Variants in KLHL4 observed in about 807,000 individuals in gnomAD.
KLHL4 encodes kelch-like protein 4.
KLHL4 carries 17 observed loss-of-function variants against 45.8 expected under a neutral mutation model. The observed-to-expected ratio is 0.37, with a 90% CI of 0.25 to 0.56. The LOEUF (loss-of-function observed/expected upper bound fraction) is 0.56. Among genes scored for constraint, KLHL4 ranks in the 20% least tolerant of loss-of-function variants. KLHL4 has a pLI of 0.79. For synonymous variants in KLHL4, 224 were observed against 189.9 expected (o/e 1.18, Z -1.47); for missense variants, 544 against 544.9 (o/e 1.00, Z 0.02).
chrX:87,652,565 C>T (rs1923854611), intron 9 of KLHL4, among the ~76,000 whole-genome samples: 1 of 112,093 alleles, frequency 8.9e-6, no homozygotes, highest in African/African-American at 3.2e-5. Context: ...TTTGCTAAAA[C>T]AAAACACGAG....
intron 1 of KLHL4, among the ~76,000 whole-genome samples, chrX:87,576,101 A>T (rs757757206): frequency 3.6e-5 from 4 of 111,614 alleles, no homozygotes; most frequent in Non-Finnish European, 7.5e-5. Flanking sequence ...AGATTTCTAC[A>T]ATACTATGAT....
At chrX:87,521,849 T>A (rs1373567622) in intron 1 of KLHL4, among the ~76,000 whole-genome samples, 1 of 112,391 alleles carries the variant, frequency 8.9e-6, no homozygotes, top group African/African-American at 3.2e-5. Context: ...TATAGTGATT[T>A]TAGGATCACA....
intron 9 of KLHL4, among the ~76,000 whole-genome samples, chrX:87,651,590 C>G (rs1207376742): frequency 8.9e-6 from 1 of 112,434 alleles, no homozygotes; most frequent in East Asian, 2.8e-4. Flanking sequence ...CAAAATCCAG[C>G]AGGGCAGTCA....
Position 87,518,123 on chromosome X carries a change from T to G in KLHL4, c.230T>G (p.Val77Gly). 8.3e-7 allele frequency: 1 copy of G among 1,211,782 alleles called. No homozygotes were observed. The change falls in exon 1 of 11, where the codon GTG becomes GGG. Residue 77 changes from valine (V) to glycine (G), a missense_variant. Val to Gly is a moderately radical substitution (Grantham distance 109, BLOSUM62 -3). Transcript: ENST00000373119. The part of the protein sequence containing the change: ...SPVHHNILAP[V>G]PGPAPAHQRA... ...GTCCACCACAATATACTGGCACCAG[T>G]GCCAGGACCGGCCCCTGCCCATCAG...
Position 87,632,203 on chromosome X carries a change from T to C in KLHL4, c.1325-7T>C. 1 of 1,092,464 alleles carries C rather than the reference T, an allele frequency of 9.2e-7. No homozygotes were observed. The highest frequency in any genetic ancestry group is 1.9e-5 in the South Asian group (1 of 52,358). The allele number at this position is 1,092,464 out of a possible 1,213,427, so 90.0% of individuals were successfully genotyped here. The stretch of plus-strand genomic sequence containing the variant: ...GATTTTACCGTTGTTCAATATCCCT[T>C]TGTCAGGTACTACTACTATTGAAAA... On this transcript the variant is annotated splice_polypyrimidine_tract_variant and splice_region_variant and intron_variant, in intron 6 of 10. Coordinates refer to ENST00000373119, the MANE Select transcript of KLHL4 (RefSeq NM_019117.5).
intron 1 of KLHL4, among the ~76,000 whole-genome samples, chrX:87,571,192 A>G (rs1042656657): frequency 9.0e-6 from 1 of 111,137 alleles, no homozygotes; most frequent in Admixed American, 9.6e-5. Context: ...GTGTATAAAT[A>G]AATTTTTAAT....
At chrX:87,651,699 C>T in intron 9 of KLHL4, among the ~76,000 whole-genome samples, 1 of 112,482 alleles carries the variant, frequency 8.9e-6, no homozygotes, top group Middle Eastern at 4.6e-3. Context: ...GCAGCTCTGG[C>T]CCTGTGGCTT....
chrX:87,552,890 T>A (rs1466800343), intron 1 of KLHL4, among the ~76,000 whole-genome samples: 1 of 110,192 alleles, frequency 9.1e-6, no homozygotes, highest in African/African-American at 3.3e-5. Context: ...TACTATCTGA[T>A]AGCATAATAG....
At chrX:87,581,798 C>A (rs1351072041) in intron 1 of KLHL4, among the ~76,000 whole-genome samples, 1 of 112,091 alleles carries the variant, frequency 8.9e-6, no homozygotes, top group Non-Finnish European at 1.9e-5. Flanking sequence ...CAGAGTGCCC[C>A]TTTTCCTCCA....
chrX:87,610,804 T>C (rs1337724046), intron 1 of KLHL4, among the ~76,000 whole-genome samples: 1 of 111,810 alleles, frequency 8.9e-6, no homozygotes, highest in South Asian at 3.7e-4. Flanking sequence ...CTGAGCGCAG[T>C]GGCTCACACC....
Position 87,559,024 on chromosome X carries a change from G to T in KLHL4, c.422+40709G>T, listed in dbSNP as rs778285854. On this transcript the variant is annotated intron_variant, in intron 1 of 10. Coordinates refer to ENST00000373119, the MANE Select transcript of KLHL4 (RefSeq NM_019117.5). The stretch of plus-strand genomic sequence containing the variant: ...ACAGTAGTAGGTAAACATCTCTAAA[G>T]GGACAAAGAGTATATATTTCAGGAT... Among the ~76,000 whole-genome samples, 3 of 111,743 alleles carry T rather than the reference G, an allele frequency of 2.7e-5. No homozygotes were observed. The South Asian group carries it at 1.1e-3, about 42-fold the overall frequency.
intron 9 of KLHL4, among the ~76,000 whole-genome samples, chrX:87,655,552 C>T (rs1923961322): frequency 9.0e-6 from 1 of 110,949 alleles, no homozygotes; most frequent in Non-Finnish European, 1.9e-5. Flanking sequence ...TTTTTTCCAC[C>T]CCATTAACTT....
intron 1 of KLHL4, among the ~76,000 whole-genome samples, chrX:87,603,872 C>G (rs572378991): frequency 9.1e-6 from 1 of 109,906 alleles, no homozygotes; most frequent in South Asian, 3.9e-4. Flanking sequence ...TAACCACCCT[C>G]TCTCCACCCT....
intron 1 of KLHL4, among the ~76,000 whole-genome samples, chrX:87,578,604 A>C (rs1921169217): frequency 8.9e-6 from 1 of 112,557 alleles, no homozygotes; most frequent in Admixed American, 9.4e-5. Flanking sequence ...GAAATGAATA[A>C]GAAAAGCAAT....
chrX:87,612,180 T>C (rs1383603861), intron 1 of KLHL4, among the ~76,000 whole-genome samples: 1 of 111,819 alleles, frequency 8.9e-6, no homozygotes, highest in Non-Finnish European at 1.9e-5. Context: ...CACAGTAATG[T>C]ACAGAAATGT....
At chrX:87,548,896 A>G (rs1931746636) in intron 1 of KLHL4, among the ~76,000 whole-genome samples, 1 of 109,676 alleles carries the variant, frequency 9.1e-6, no homozygotes, top group African/African-American at 3.3e-5. Flanking sequence ...ACTAATAAGA[A>G]AATGGCAGGA....
At chrX:87,665,399 G>C (rs1403178153) in intron 10 of KLHL4, among the ~76,000 whole-genome samples, 1 of 111,118 alleles carries the variant, frequency 9.0e-6, no homozygotes, top group Non-Finnish European at 1.9e-5. Flanking sequence ...TTACCATATA[G>C]AGACTGTGTA....
chrX:87,609,272 C>T (rs1335944868), intron 1 of KLHL4, among the ~76,000 whole-genome samples: 3 of 111,973 alleles, frequency 2.7e-5, no homozygotes, highest in Non-Finnish European at 5.6e-5. Context: ...TGGGTATGTA[C>T]CCAGTAATGG....
At position 87,668,008 on chromosome X, in the gene KLHL4, A is replaced by G; in HGVS notation, c.*1474A>G. On this transcript the variant is annotated 3_prime_UTR_variant, in exon 11 of 11. Coordinates refer to ENST00000373119, the MANE Select transcript of KLHL4 (RefSeq NM_019117.5). ...GATTTTACATTTCCTATATCACTAA[A>G]ATACTTAAACACAAAAATAAAATTC... 1 of 729,556 alleles carries G rather than the reference A, an allele frequency of 1.4e-6. No individual in the cohort carries two copies. The highest frequency in any genetic ancestry group is 1.6e-6 in the Non-Finnish European group (1 of 616,695). The allele number at this position is 729,556 out of a possible 1,213,427, so 60.1% of individuals were successfully genotyped here.
Sources: allele counts gnomAD v4.1 joint callset (sites outside exome capture counted in the v4.1 genomes callset), GRCh38; gene constraint gnomAD v4.1.1; transcripts MANE v1.5; gene names NCBI Gene and HGNC (gene_info 2026-07-23, HGNC 2026-07-21).